GDF1: variants seen among roughly 807,000 people sequenced by gnomAD.
The protein encoded by GDF1 is growth differentiation factor 1.
A neutral mutation model predicts 7.4 loss-of-function variants in GDF1; 8 were observed. The observed-to-expected ratio is 1.09, with a 90% CI of 0.64 to 1.96. The LOEUF (loss-of-function observed/expected upper bound fraction) is 1.96, where lower values mean the gene tolerates loss of function less well. GDF1 is among the 30% of genes most tolerant of loss of function. The pLI, the probability that GDF1 is intolerant of heterozygous loss-of-function variation, is 0.00. For missense variants in GDF1, 574 were observed against 551.5 expected (o/e 1.04, Z -0.41); for synonymous variants, 311 against 276.7 (o/e 1.12, Z -1.23).
intron 2 of GDF1, among the ~76,000 whole-genome samples, chr19:18,891,445 G>A (rs1330799822): frequency 6.6e-6 from 1 of 152,128 alleles, no homozygotes; most frequent in Non-Finnish European, 1.5e-5. Flanking sequence ...TGGCGATGCC[G>A]GCCCTGCCCT....
At position 18,878,655 on chromosome 19, in the gene GDF1, T is replaced by C; in HGVS notation, c.-313+275A>G. The C allele has an allele frequency of 7.9e-7, 1 of 1,262,060 alleles. No individual in the cohort carries two copies. The highest frequency in any genetic ancestry group is 1.0e-6 in the Non-Finnish European group (1 of 994,148). The allele number at this position is 1,262,060 out of a possible 1,614,324, so 78.2% of individuals were successfully genotyped here. The stretch of plus-strand genomic sequence containing the variant: ...TCGCCACTCCCGCCACACCAGCCAC[T>C]AGGCCTGGCCCTCAGTGTCCCTACC... On this transcript the variant is annotated intron_variant, in intron 6 of 7. Transcript: ENST00000247005. This position sits in a 1 kb window ranked among gnomAD's most constrained non-coding sequence, Gnocchi z 4.6.
intron 6 of GDF1, among the ~76,000 whole-genome samples, chr19:18,875,432 A>C (rs1257565897): frequency 1.3e-5 from 2 of 151,688 alleles, no homozygotes; most frequent in Non-Finnish European, 1.5e-5. Context: ...AGTCCCAGCT[A>C]CTCAGGAGGC....
chr19:18,870,677 C>A lies in GDF1; in HGVS notation c.-312-58G>T. The stretch of plus-strand genomic sequence containing the variant: ...GAGCCCCACGCGGCCGCCTGGCCCT[C>A]TTTCCCGCTTCTTCTCTGGCCGTTT... On this transcript the variant is annotated intron_variant, in intron 6 of 7. Coordinates refer to ENST00000247005, the MANE Select transcript of GDF1 (RefSeq NM_001492.6). The surrounding 1 kb of genome is among the most constrained non-coding windows in gnomAD (Gnocchi z 5.1). The A allele has an allele frequency of 3.9e-6, 2 of 510,026 alleles. No individual in the cohort carries two copies. Among genetic ancestry groups the A allele is most frequent in the Non-Finnish European group, 3.6e-6 (1 of 281,494 alleles). The allele number at this position is 510,026 out of a possible 1,614,324, so 31.6% of individuals were successfully genotyped here.
chr19:18,873,460 G>C (rs1256225981), intron 6 of GDF1, among the ~76,000 whole-genome samples: 2 of 152,050 alleles, frequency 1.3e-5, no homozygotes, highest in Non-Finnish European at 2.9e-5. Context: ...ACTTTGGGAG[G>C]CTGAGTCAGG....
In GDF1 at chr19:18,869,156, A is replaced by G. The variant is rs2055912373; in HGVS notation, c.560T>C (p.Val187Ala). The part of the protein sequence containing the change: ...DPGPVLLRQL[V>A]PALGPPVRAE... ...GCGCACTGGCGGCCCCAGGGCGGGCACCAACTGGCGGAGCAGCACCGGCCC... is the reference window on the plus strand; with the variant it reads ...GCGCACTGGCGGCCCCAGGGCGGGCGCCAACTGGCGGAGCAGCACCGGCCC... Residue 187 changes from valine to alanine, a missense_variant, in exon 8 of 8, where the codon GTG becomes GCG. Val to Ala is a moderately conservative substitution (Grantham distance 64). Coordinates refer to ENST00000247005, the MANE Select transcript of GDF1 (RefSeq NM_001492.6). 7 of 1,130,798 alleles carry G rather than the reference A, an allele frequency of 6.2e-6. No individual in the cohort carries two copies. The highest frequency in any genetic ancestry group is 7.6e-6 in the Non-Finnish European group (7 of 922,720). The allele number at this position is 1,130,798 out of a possible 1,614,324, so 70.0% of individuals were successfully genotyped here.
At position 18,870,825 on chromosome 19, in the gene GDF1, T is replaced by C. The variant is rs1288147363; in HGVS notation, c.-312-206A>G. On this transcript the variant is annotated intron_variant, in intron 6 of 7. Transcript: ENST00000247005. The surrounding 1 kb of genome is among the most constrained non-coding windows in gnomAD (Gnocchi z 5.1). ...TCCTTCAACCTGCCCCGTAGGCACG[T>C]ATGTCCCCCCTGGCACCCTGGCACT... Among the ~76,000 whole-genome samples the C allele has an allele frequency of 2.0e-5, 3 of 151,906 alleles. No homozygotes were observed. Among genetic ancestry groups the C allele is most frequent in the African/African-American group, 7.3e-5 (3 of 41,340 alleles).
At chr19:18,877,740 G>A in intron 6 of GDF1, among the ~76,000 whole-genome samples, 1 of 137,864 alleles carries the variant, frequency 7.3e-6, no homozygotes, top group African/African-American at 2.8e-5. Flanking sequence ...CTGGACGACA[G>A]AGTGAGACCC....
chr19:18,873,171 G>C (rs1049189996), intron 6 of GDF1, among the ~76,000 whole-genome samples: 7 of 152,154 alleles, frequency 4.6e-5, no homozygotes. Context: ...GTTGACACTA[G>C]TCTATCACTA....
intron 2 of GDF1, among the ~76,000 whole-genome samples, chr19:18,884,691 G>A (rs778750939): frequency 2.4e-4 from 33 of 139,262 alleles, no homozygotes; most frequent in Non-Finnish European, 4.6e-4. Flanking sequence ...ACAGGCGTGA[G>A]CCACCCCGCC....
At chr19:18,874,551 C>A (rs1385635510) in intron 6 of GDF1, among the ~76,000 whole-genome samples, 1 of 152,196 alleles carries the variant, frequency 6.6e-6, no homozygotes, top group Non-Finnish European at 1.5e-5. Context: ...GTGCAGGTCA[C>A]CAGATCCAGA....
chr19:18,886,282 G>A (rs1489262897), intron 2 of GDF1, among the ~76,000 whole-genome samples: 2 of 152,166 alleles, frequency 1.3e-5, no homozygotes, highest in East Asian at 1.9e-4. Flanking sequence ...GGGCGCAGTG[G>A]CTCACGCCTG....
At position 18,887,993 on chromosome 19, in the gene GDF1, T is replaced by A. The variant is rs530329881; in HGVS notation, c.-913-3726A>T. Among the ~76,000 whole-genome samples, 8 of 152,198 alleles carry A rather than the reference T, an allele frequency of 5.3e-5. 1 individual carries two copies. The South Asian group carries it at 1.2e-3, about 24-fold the overall frequency. On this transcript the variant is annotated intron_variant, in intron 2 of 7. Transcript: ENST00000247005. ...GATGACTGTAGGAACCTCATATAAG[T>A]GGAATCACATAGTATTTGTCTTTTT... is the stretch of plus-strand genomic sequence containing the variant.
chr19:18,889,188 G>A (rs939559505), intron 2 of GDF1, among the ~76,000 whole-genome samples: 4 of 151,776 alleles, frequency 2.6e-5, no homozygotes, highest in East Asian at 1.9e-4. Flanking sequence ...CACTGCACCC[G>A]GCCCACTTCA....
At position 18,893,447 on chromosome 19, in the gene GDF1, G is replaced by A; in HGVS notation, c.-945C>T. 6.2e-7 allele frequency: 1 copy of A among 1,606,058 alleles called. No homozygotes were observed. ...AGACAGATGGTGGGTCATGGAAGAA[G>A]GGGTAGTCGGTGCCAAACAGCAGGT... On this transcript the variant is annotated 5_prime_UTR_variant, in exon 2 of 8. Coordinates refer to ENST00000247005, the MANE Select transcript of GDF1 (RefSeq NM_001492.6).
intron 6 of GDF1, among the ~76,000 whole-genome samples, chr19:18,874,765 G>C (rs912001738): frequency 6.6e-6 from 1 of 152,226 alleles, no homozygotes. Context: ...GGGAATTCAG[G>C]GGAAGGGGTA....
intron 2 of GDF1, among the ~76,000 whole-genome samples, chr19:18,885,746 C>T (rs2056340622): frequency 6.7e-6 from 1 of 148,946 alleles, no homozygotes; most frequent in Non-Finnish European, 1.5e-5. Context: ...GTCTTGAACT[C>T]CTGACCTTGT....
At chr19:18,890,783 G>GGA (rs1555706591) in intron 2 of GDF1, among the ~76,000 whole-genome samples, 5 of 99,766 alleles carry the variant, frequency 5.0e-5, no homozygotes, top group East Asian at 3.3e-4. Context: ...CGCGTCTGGG[G>GGA]AAAAAAAAAA....
At position 18,870,346 on chromosome 19, in the gene GDF1, G is replaced by A; in HGVS notation, c.-39C>T. 6.5e-7 allele frequency: 1 copy of A among 1,541,998 alleles called. No homozygotes were observed. Among genetic ancestry groups the A allele is most frequent in the Non-Finnish European group, 8.7e-7 (1 of 1,145,576 alleles). On this transcript the variant is annotated 5_prime_UTR_variant, in exon 7 of 8. Coordinates refer to ENST00000247005, the MANE Select transcript of GDF1 (RefSeq NM_001492.6). The surrounding 1 kb of genome is among the most constrained non-coding windows in gnomAD (Gnocchi z 5.1). ...GATGACCAGAGAGTGCGCAGGGTCCGCGGCGGCCCGGGACCAGTGGGCTGA... is the reference window on the plus strand; with the variant it reads ...GATGACCAGAGAGTGCGCAGGGTCCACGGCGGCCCGGGACCAGTGGGCTGA...
chr19:18,872,563 G>A (rs547761146), intron 6 of GDF1, among the ~76,000 whole-genome samples: 29 of 150,266 alleles, frequency 1.9e-4, no homozygotes, highest in African/African-American at 6.6e-4. Flanking sequence ...TCCCCCAGGC[G>A]GGAATGCGGT....
Sources: gnomAD v4.1 joint callset for allele counts (sites outside exome capture counted in the v4.1 genomes callset) on GRCh38, gnomAD v4.1.1 for gene constraint, Gnocchi (gnomAD v3.1) non-coding constraint, MANE v1.5 for transcripts, NCBI Gene and HGNC (gene_info 2026-07-23, HGNC 2026-07-21) for gene names.